Variants in NKAIN4 observed in about 807,000 individuals in gnomAD.
NKAIN4 encodes the protein sodium/potassium-transporting ATPase subunit beta-1-interacting protein 4.
A neutral mutation model predicts 28.8 loss-of-function variants in NKAIN4; 28 were observed. The ratio of observed to expected loss-of-function variants is 0.97; its 90% CI spans 0.72 to 1.33. The LOEUF is 1.33. NKAIN4 is among the 40% of genes most tolerant of loss of function. The pLI is 0.00. For missense variants in NKAIN4, 289 were observed against 277.2 expected (o/e 1.04, Z -0.30); for synonymous variants, 122 against 115.6 (o/e 1.06, Z -0.36).
At chr20:63,250,825 A>T (rs982489822) in intron 1 of NKAIN4, among the ~76,000 whole-genome samples, 1 of 152,106 alleles carries the variant, frequency 6.6e-6, no homozygotes, top group Admixed American at 6.5e-5. Context: ...ACCCGTCACC[A>T]GCTCCTTCCC....
At chr20:63,243,091 G>T (rs750306427) in intron 5 of NKAIN4, among the ~76,000 whole-genome samples, 25 of 152,220 alleles carry the variant, frequency 1.6e-4, no homozygotes, top group African/African-American at 5.3e-4. Context: ...GGCAGCAGGG[G>T]CTTGCGGGGC....
intron 2 of NKAIN4, among the ~76,000 whole-genome samples, chr20:63,249,690 G>A (rs536078643): frequency 3.0e-4 from 45 of 152,122 alleles, no homozygotes; most frequent in African/African-American, 1.0e-3. Flanking sequence ...TCGTGAAGGC[G>A]TTCAGTGCCT....
chr20:63,241,263 TC>T lies in NKAIN4; in HGVS notation c.*233del. On this transcript the variant is annotated 3_prime_UTR_variant, in exon 7 of 7. Coordinates refer to ENST00000370316, the MANE Select transcript of NKAIN4 (RefSeq NM_152864.4). ...GCCTTTTCTTTTGTATGTTTTCTTT[TC>T]TTTTTTTTTTTTAAGAGAAAGGAAA... 2 of 542,770 alleles carry T rather than the reference TC, an allele frequency of 3.7e-6. No individual in the cohort carries two copies. Among genetic ancestry groups the T allele is most frequent in the South Asian group, 2.3e-5 (1 of 43,058 alleles). The allele number at this position is 542,770 out of a possible 1,614,324, so 33.6% of individuals were successfully genotyped here. A position where few individuals can be genotyped will look rare whatever the true frequency, so the allele number is the denominator to read the frequency against.
chr20:63,242,724 TG>T, intron 5 of NKAIN4, 101 bp from the exon 6 acceptor site: 1 of 556,690 alleles, frequency 1.8e-6, no homozygotes. Context: ...AAGGGGTCCC[TG>T]GGGGCACAGA....
At chr20:63,250,108 G>A (rs746785938) in intron 1 of NKAIN4, 36 bp from the exon 2 acceptor site, 35 of 1,532,978 alleles carry the variant, frequency 2.3e-5, no homozygotes, top group African/African-American at 4.1e-5. Flanking sequence ...GGGTGGACCC[G>A]AGGGAGGCCC....
chr20:63,253,078 C>T (rs2066988896), intron 1 of NKAIN4: 1 of 385,404 alleles, frequency 2.6e-6, no homozygotes, highest in Non-Finnish European at 3.6e-6. Context: ...GGGGTACCGT[C>T]CAGGCTGGTG....
intron 2 of NKAIN4, chr20:63,249,189 G>A (rs1054266761): frequency 4.6e-6 from 2 of 435,010 alleles, no homozygotes; most frequent in Admixed American, 3.5e-5. Flanking sequence ...CTGAGCTGCC[G>A]TGACCTGTCC....
intron 4 of NKAIN4, among the ~76,000 whole-genome samples, chr20:63,244,992 C>T (rs963043901): frequency 1.3e-5 from 2 of 152,222 alleles, no homozygotes; most frequent in Admixed American, 1.3e-4. Context: ...TTTCTTCCTC[C>T]ATAGACTTGG....
intron 2 of NKAIN4, 23 bp downstream of exon 2, chr20:63,249,912 A>G (rs767330229): frequency 6.3e-7 from 1 of 1,597,946 alleles, no homozygotes; most frequent in Non-Finnish European, 8.5e-7. Flanking sequence ...CTGCCCATAA[A>G]GAGGGCCGGG....
intron 4 of NKAIN4, chr20:63,247,096 GCA>G: frequency 9.7e-7 from 1 of 1,033,634 alleles, no homozygotes; most frequent in African/African-American, 1.7e-5. Flanking sequence ...CTTGCCAGAT[GCA>G]TACGCCAGGG....
chr20:63,242,018 G>A (rs1176008903), intron 6 of NKAIN4, among the ~76,000 whole-genome samples: 1 of 152,174 alleles, frequency 6.6e-6, no homozygotes, highest in Non-Finnish European at 1.5e-5. Context: ...CCCCAAACTA[G>A]GATTGTGTAC....
chr20:63,244,889 C>T (rs758297200), intron 4 of NKAIN4, among the ~76,000 whole-genome samples: 9 of 152,190 alleles, frequency 5.9e-5, no homozygotes, highest in Non-Finnish European at 7.3e-5. Flanking sequence ...GGAGGGACCC[C>T]GGAACGAGGC....
chr20:63,244,038 T>A lies in NKAIN4; in HGVS notation c.518A>T (p.Glu173Val), dbSNP rs780536321. 6 of 1,613,466 alleles carry A rather than the reference T, an allele frequency of 3.7e-6. No homozygotes were observed. Among genetic ancestry groups the A allele is most frequent in the Non-Finnish European group, 5.1e-6 (6 of 1,179,792 alleles). ...CCCATACTCACAGCTGTCCTCTTCC[T>A]CCGTAAACACGCTGACCACCTGGCA... Reference protein sequence around the residue: ...CGCQVVSVFTEEEDSFDFIGG... With the variant: ...CGCQVVSVFTVEEDSFDFIGG... The change falls in exon 5 of 7, where the codon GAG (glutamate) becomes GTG (valine). Residue 173 changes from glutamate (E) to valine (V), a missense_variant. Physicochemically the swap from Glu to Val is moderately radical, Grantham distance 121. Coordinates refer to ENST00000370316, the MANE Select transcript of NKAIN4 (RefSeq NM_152864.4).
chr20:63,243,460 C>T (rs2066798075), intron 5 of NKAIN4, among the ~76,000 whole-genome samples: 1 of 152,142 alleles, frequency 6.6e-6, no homozygotes, highest in Non-Finnish European at 1.5e-5. Flanking sequence ...TGGCGTCTGC[C>T]CTTCCCCACC....
At chr20:63,250,126 G>C in intron 1 of NKAIN4, 54 bp from the exon 2 acceptor site, 1 of 1,513,016 alleles carries the variant, frequency 6.6e-7, no homozygotes. Flanking sequence ...CCCCAGGCCC[G>C]CCAGCCAGGT....
At chr20:63,243,192 C>T (rs1407780874) in intron 5 of NKAIN4, among the ~76,000 whole-genome samples, 1 of 152,168 alleles carries the variant, frequency 6.6e-6, no homozygotes, top group African/African-American at 2.4e-5. Context: ...TCCCAGGAAG[C>T]TGGCTGAGCT....
rs775893681 is a variant in NKAIN4 at position 63,245,610 on chromosome 20, C to A, written c.472-1526G>T. Among the ~76,000 whole-genome samples, 1 of 152,134 alleles carries A rather than the reference C, an allele frequency of 6.6e-6. No individual in the cohort carries two copies. Among genetic ancestry groups the A allele is most frequent in the East Asian group, 1.9e-4 (1 of 5,184 alleles). On this transcript the variant is annotated intron_variant, in intron 4 of 6. Coordinates refer to ENST00000370316, the MANE Select transcript of NKAIN4 (RefSeq NM_152864.4). This position sits in a 1 kb window ranked among gnomAD's most constrained non-coding sequence, Gnocchi z 4.7. ...GGGATCTGCAGGCCCCGCACCCCAA[C>A]CCCCAGAGCCTGGCCTTGTCAGACG...
intron 2 of NKAIN4, among the ~76,000 whole-genome samples, chr20:63,249,705 C>A (rs1212867212): frequency 1.3e-5 from 2 of 152,060 alleles, no homozygotes; most frequent in Non-Finnish European, 2.9e-5. Context: ...GTGCCTGGGG[C>A]CCCCCAATAT....
intron 4 of NKAIN4, among the ~76,000 whole-genome samples, chr20:63,244,770 G>C (rs560785496): frequency 3.4e-4 from 51 of 152,228 alleles, no homozygotes; most frequent in Admixed American, 7.8e-4. Flanking sequence ...TCTGGCAAAG[G>C]GGGGGCAGTG....
Sources: gnomAD v4.1 joint callset for allele counts (sites outside exome capture counted in the v4.1 genomes callset) on GRCh38, gnomAD v4.1.1 for gene constraint, Gnocchi (gnomAD v3.1) non-coding constraint, MANE v1.5 for transcripts, NCBI Gene and HGNC (gene_info 2026-07-23, HGNC 2026-07-21) for gene names.